Variants in PPP2R2B observed in about 807,000 individuals in gnomAD.
The protein encoded by PPP2R2B is protein phosphatase 2 regulatory subunit Bbeta.
PPP2R2B carries 5 observed loss-of-function variants against 46.0 expected under a neutral mutation model. That is an observed-to-expected ratio of 0.11 (90% CI 0.06 to 0.23). The LOEUF is 0.23. Ranked by LOEUF, PPP2R2B falls within the 10% of genes least tolerant of loss-of-function variation. PPP2R2B has a pLI of 1.00. For synonymous variants in PPP2R2B, 215 were observed against 206.7 expected, an observed-to-expected ratio of 1.04 and a Z score of -0.34; for missense variants, 367 against 575.0, an observed-to-expected ratio of 0.64 and a Z score of 3.70.
At chr5:146,709,980 A>T (rs1037400202) in intron 2 of PPP2R2B, among the ~76,000 whole-genome samples, 1 of 152,216 alleles carries the variant, frequency 6.6e-6, no homozygotes, top group African/African-American at 2.4e-5. Context: ...GCCTTACAAC[A>T]TATTTGCACA....
chr5:146,769,528 A>G (rs749009591), intron 2 of PPP2R2B, among the ~76,000 whole-genome samples: 6 of 152,228 alleles, frequency 3.9e-5, no homozygotes, highest in Non-Finnish European at 8.8e-5. Flanking sequence ...AGGATCAGCA[A>G]TCATTGTTGA....
At position 146,635,064 on chromosome 5, in the gene PPP2R2B, C is replaced by T. The variant is rs76689334; in HGVS notation, c.790+3187G>A. On this transcript the variant is annotated intron_variant, in intron 7 of 9. Coordinates refer to ENST00000394411, the MANE Select transcript of PPP2R2B (RefSeq NM_181675.4). ...AACTGCTGCCGTCATTTATTGACTC[C>T]TTTGTGCCTGGCAGAGGGCTAGGAT... Among the ~76,000 whole-genome samples, 24 of 152,264 alleles carry T rather than the reference C, an allele frequency of 1.6e-4. No individual in the cohort carries two copies. The East Asian group carries it at 3.7e-3, about 23-fold the overall frequency.
chr5:146,721,223 AT>A (rs1285708452), intron 2 of PPP2R2B, among the ~76,000 whole-genome samples: 1 of 152,172 alleles, frequency 6.6e-6, no homozygotes, highest in African/African-American at 2.4e-5. Context: ...GTTTTTCACT[AT>A]TTAATCTTCT....
At chr5:146,880,510 A>G (rs570352455), upstream of PPP2R2B, among the ~76,000 whole-genome samples, 3 of 152,262 alleles carry the variant, frequency 2.0e-5, no homozygotes, top group East Asian at 5.8e-4. Flanking sequence ...AGTGGGGAAA[A>G]GCTAAGTTCA....
intron 2 of PPP2R2B, chr5:146,706,684 T>C (rs1359533283): frequency 2.3e-6 from 2 of 873,396 alleles, no homozygotes; most frequent in Admixed American, 1.8e-5. Flanking sequence ...TGGAGCCAGC[T>C]GATGTTCCGG....
At chr5:146,687,613 C>T (rs1268912531) in intron 5 of PPP2R2B, among the ~76,000 whole-genome samples, 1 of 152,034 alleles carries the variant, frequency 6.6e-6, no homozygotes, top group Admixed American at 6.6e-5. Flanking sequence ...AACTGTAAGG[C>T]ATTATTATTA....
At position 146,650,581 on chromosome 5, in the gene PPP2R2B, G is replaced by A. The variant is rs1475926794; in HGVS notation, c.591C>T (p.Asn197=). The A allele has an allele frequency of 5.0e-6, 8 of 1,613,922 alleles. No individual in the cohort carries two copies. Among genetic ancestry groups the A allele is most frequent in the Admixed American group, 1.7e-5 (1 of 59,976 alleles). ...GATTGGTTATTTCAAAGTTCCATAG[G>A]TTAATCCTCAGGTCATCAGCGGACA... The part of the protein sequence containing the change: ...TYMSADDLRI[N]LWNFEITNQS... The change falls in exon 6 of 10, where the codon AAC becomes AAT. Residue 197 remains asparagine (N), a synonymous_variant. Coordinates refer to ENST00000394411, the MANE Select transcript of PPP2R2B (RefSeq NM_181675.4).
At chr5:147,031,072 TA>T (rs1294071528) in intron 1 of PPP2R2B, among the ~76,000 whole-genome samples, 1 of 151,922 alleles carries the variant, frequency 6.6e-6, no homozygotes, top group Admixed American at 6.6e-5. Context: ...CCGTCTCTAC[TA>T]AAAAATGCAA....
intron 1 of PPP2R2B, among the ~76,000 whole-genome samples, chr5:147,050,119 C>T (rs1756734401): frequency 6.6e-6 from 1 of 152,020 alleles, no homozygotes; most frequent in African/African-American, 2.4e-5. Flanking sequence ...GGAGGCTTGG[C>T]CTTAGATGAA....
intron 2 of PPP2R2B, among the ~76,000 whole-genome samples, chr5:146,737,594 C>T (rs1002418916): frequency 2.6e-5 from 4 of 152,024 alleles, no homozygotes; most frequent in South Asian, 2.1e-4. Flanking sequence ...TGATCCATTC[C>T]GCTTTTTTTT....
chr5:146,873,056 C>G (rs6864622), intron 2 of PPP2R2B, among the ~76,000 whole-genome samples: 1 of 152,220 alleles, frequency 6.6e-6, no homozygotes, highest in African/African-American at 2.4e-5. Context: ...GCAAGTCTCA[C>G]TGTGAAACTA....
At chr5:147,008,157 G>C (rs979520599) in intron 1 of PPP2R2B, among the ~76,000 whole-genome samples, 1 of 152,130 alleles carries the variant, frequency 6.6e-6, no homozygotes, top group African/African-American at 2.4e-5. Flanking sequence ...AGGAAGCAGA[G>C]AATGACATTC....
rs180763355 is a variant in PPP2R2B at position 146,763,973 on chromosome 5, T to C, written c.71-62831A>G. Among the ~76,000 whole-genome samples the C allele has an allele frequency of 1.0e-3, 152 of 152,270 alleles. 1 individual carries two copies. Among genetic ancestry groups the C allele is most frequent in the African/African-American group, 3.6e-3 (149 of 41,564 alleles). ...AACTTCTGCCCTCAAACTATCTTCT[T>C]GCCTTGGCCTCCCAAAGTGCTGGGA... On this transcript the variant is annotated intron_variant, in intron 2 of 9. Transcript: ENST00000394411.
At chr5:146,740,207 C>A (rs1581993866) in intron 2 of PPP2R2B, among the ~76,000 whole-genome samples, 1 of 152,206 alleles carries the variant, frequency 6.6e-6, no homozygotes, top group East Asian at 1.9e-4. Flanking sequence ...TTGATGTGAC[C>A]TAACTTTTTC....
At chr5:146,706,665 G>T in intron 2 of PPP2R2B, 4 of 859,028 alleles carry the variant, frequency 4.7e-6, no homozygotes, top group Non-Finnish European at 7.9e-6. Context: ...GAGGCCCTCA[G>T]TCTCAGCCTG....
In PPP2R2B at chr5:146,589,527, TATTTTTTGTTG is replaced by T. The variant is rs374556240; in HGVS notation, c.*409_*419del. 12 of 160,182 alleles carry T rather than the reference TATTTTTTGTTG, an allele frequency of 7.5e-5. No homozygotes were observed. The East Asian group carries it at 2.2e-3, about 29-fold the overall frequency. The allele number at this position is 160,182 out of a possible 1,614,324, so 9.9% of individuals were successfully genotyped here. On this transcript the variant is annotated 3_prime_UTR_variant, in exon 10 of 10. Transcript: ENST00000394411. The stretch of plus-strand genomic sequence containing the variant: ...AATTTGTCTAAGAGTAAACGGTGTT[TATTTTTTGTTG>T]ATTTTTTTCAATCAAATGGAATTGC...
At chr5:146,598,613 A>G (rs965897661) in intron 8 of PPP2R2B, among the ~76,000 whole-genome samples, 1 of 152,094 alleles carries the variant, frequency 6.6e-6, no homozygotes, top group African/African-American at 2.4e-5. Context: ...TAACTTGGCA[A>G]CTCTACTTTT....
At chr5:146,818,663 C>G (rs114140461) in intron 2 of PPP2R2B, among the ~76,000 whole-genome samples, 82 of 152,216 alleles carry the variant, frequency 5.4e-4, no homozygotes, top group African/African-American at 1.9e-3. Context: ...TTCATTTTTT[C>G]TACTTTACAG....
At chr5:146,832,090 GTGTT>G (rs1210890659) in intron 2 of PPP2R2B, among the ~76,000 whole-genome samples, 4 of 152,142 alleles carry the variant, frequency 2.6e-5, no homozygotes, top group African/African-American at 9.7e-5. Context: ...GCATAGTTGT[GTGTT>G]TGTGTTTTAA....
Sources: gnomAD v4.1 joint callset for allele counts (sites outside exome capture counted in the v4.1 genomes callset) on GRCh38, gnomAD v4.1.1 for gene constraint, MANE v1.5 for transcripts, NCBI Gene and HGNC (gene_info 2026-07-23, HGNC 2026-07-21) for gene names.